Variants in COL25A1 observed in about 807,000 individuals in gnomAD.
COL25A1 encodes the protein collagen alpha-1(XXV) chain.
In COL25A1, 103 loss-of-function variants were observed where a neutral mutation model predicts 128.4. The ratio of observed to expected loss-of-function variants is 0.80; its 90% CI spans 0.68 to 0.94. The LOEUF (loss-of-function observed/expected upper bound fraction) is 0.94, where lower values mean the gene tolerates loss of function less well. Among genes scored for constraint, COL25A1 ranks in the 40% least tolerant of loss-of-function variants. COL25A1 has a pLI of 0.00. For missense variants in COL25A1, 745 were observed against 840.0 expected (o/e 0.89, Z 1.40); for synonymous variants, 279 against 277.2 (o/e 1.01, Z -0.06).
chr4:109,023,385 G>T (rs1757943924), intron 5 of COL25A1, among the ~76,000 whole-genome samples: 1 of 152,234 alleles, frequency 6.6e-6, no homozygotes, highest in Non-Finnish European at 1.5e-5. Context: ...TTGGAAGAAA[G>T]TTTTGAAGAC....
At chr4:108,996,536 C>T (rs1754792029) in intron 6 of COL25A1, among the ~76,000 whole-genome samples, 1 of 152,076 alleles carries the variant, frequency 6.6e-6, no homozygotes, top group South Asian at 2.1e-4. Context: ...GATTTTAACA[C>T]CCCACTGTCA....
intron 3 of COL25A1, among the ~76,000 whole-genome samples, chr4:109,296,697 C>T (rs988557837): frequency 6.6e-6 from 1 of 152,006 alleles, no homozygotes; most frequent in Admixed American, 6.6e-5. Flanking sequence ...AATGACAAAG[C>T]CAGGATTAGA....
intron 11 of COL25A1, among the ~76,000 whole-genome samples, chr4:108,926,195 T>A (rs1746042524): frequency 6.6e-6 from 1 of 152,184 alleles, no homozygotes; most frequent in African/African-American, 2.4e-5. Flanking sequence ...TGCTTTAGGA[T>A]GCCTCTTGGG....
intron 3 of COL25A1, among the ~76,000 whole-genome samples, chr4:109,246,091 C>T (rs1018196990): frequency 1.1e-4 from 16 of 149,572 alleles, no homozygotes; most frequent in African/African-American, 4.0e-4. Context: ...ATAAGGGTAC[C>T]TAAAGTAGGA....
intron 3 of COL25A1, among the ~76,000 whole-genome samples, chr4:109,160,192 T>A (rs1772425016): frequency 6.6e-6 from 1 of 152,214 alleles, no homozygotes; most frequent in African/African-American, 2.4e-5. Context: ...TTATATTCTA[T>A]CATAGAAATT....
chr4:109,108,151 G>C (rs1234702911), intron 3 of COL25A1, among the ~76,000 whole-genome samples: 5 of 152,088 alleles, frequency 3.3e-5, no homozygotes, highest in African/African-American at 4.8e-5. Context: ...TTTAACATTA[G>C]GTATATCTCC....
chr4:108,898,474 GA>G (rs1252567528), intron 15 of COL25A1, among the ~76,000 whole-genome samples: 1 of 152,098 alleles, frequency 6.6e-6, no homozygotes, highest in Non-Finnish European at 1.5e-5. Context: ...AGTAGCATGA[GA>G]ACCAGGAAAA....
At chr4:109,050,092 A>G (rs1760839705) in intron 4 of COL25A1, 43 bp downstream of exon 4, 3 of 1,554,396 alleles carry the variant, frequency 1.9e-6, no homozygotes, top group Non-Finnish European at 2.6e-6. Flanking sequence ...CCGGAACTTA[A>G]CCAGAACATG....
At chr4:108,895,120 T>C (rs767269654) in intron 16 of COL25A1, among the ~76,000 whole-genome samples, 11 of 152,172 alleles carry the variant, frequency 7.2e-5, no homozygotes, top group Non-Finnish European at 1.5e-4. Context: ...ATTTCTAGAC[T>C]CCTCGAATAT....
chr4:109,285,323 A>T (rs1723771722), intron 3 of COL25A1, among the ~76,000 whole-genome samples: 1 of 152,232 alleles, frequency 6.6e-6, no homozygotes, highest in African/African-American at 2.4e-5. Context: ...CCTAACAAAA[A>T]GGTGAAGTTT....
chr4:109,165,661 G>A (rs1177665225), intron 3 of COL25A1, among the ~76,000 whole-genome samples: 1 of 152,130 alleles, frequency 6.6e-6, no homozygotes, highest in African/African-American at 2.4e-5. Context: ...AGGCTGCAGT[G>A]AGCTATGATC....
At chr4:108,842,507 G>A (rs1206874003) in intron 30 of COL25A1, among the ~76,000 whole-genome samples, 2 of 152,070 alleles carry the variant, frequency 1.3e-5, no homozygotes, top group Non-Finnish European at 2.9e-5. Context: ...CAAACTATTT[G>A]GAGAAAGGAG....
intron 11 of COL25A1, among the ~76,000 whole-genome samples, chr4:108,928,206 T>G (rs1578793760): frequency 6.6e-6 from 1 of 152,348 alleles, no homozygotes; most frequent in Non-Finnish European, 1.5e-5. Flanking sequence ...CATTGAGCAG[T>G]GTAAGTGCTT....
In COL25A1 at chr4:108,925,705, C is replaced by G. The variant is rs566280897; in HGVS notation, c.709-5101G>C. On this transcript the variant is annotated intron_variant, in intron 11 of 37. Transcript: ENST00000399132. ...AACTTTAGACAATAGTGTCTCAACA[C>G]AGAAATGGCAGGATTTTTCACCCTT... is the stretch of plus-strand genomic sequence containing the variant. Among the ~76,000 whole-genome samples, 3 of 152,260 alleles carry G rather than the reference C, an allele frequency of 2.0e-5. No individual in the cohort carries two copies. The East Asian group carries it at 5.8e-4, about 29-fold the overall frequency.
At chr4:109,224,935 C>T (rs1032624235) in intron 3 of COL25A1, among the ~76,000 whole-genome samples, 1 of 152,106 alleles carries the variant, frequency 6.6e-6, no homozygotes, top group Non-Finnish European at 1.5e-5. Context: ...AGTGAAACTC[C>T]ATCTCAAAAT....
Position 108,844,535 on chromosome 4 carries a change from C to A in COL25A1, c.1613G>T (p.Gly538Val). The change falls in exon 30 of 38, where the codon GGC (glycine) becomes GTC (valine). Residue 538 changes from glycine (G) to valine (V), a missense_variant. Transcript: ENST00000399132. ...GAAACTTACCATGGGGCCAGGTGGG[C>A]CATGGGGACCTGGTGGGCCTGGTGG... is the stretch of plus-strand genomic sequence containing the variant. ...IGPPGPPGPH[G>V]PPGPMGPHGL... 1 of 1,613,822 alleles carries A rather than the reference C, an allele frequency of 6.2e-7. No individual in the cohort carries two copies. Among genetic ancestry groups the A allele is most frequent in the Middle Eastern group, 1.7e-4 (1 of 6,056 alleles).
At chr4:109,269,097 A>C (rs1210688550) in intron 3 of COL25A1, among the ~76,000 whole-genome samples, 2 of 93,368 alleles carry the variant, frequency 2.1e-5, no homozygotes, top group South Asian at 3.5e-4. Flanking sequence ...CCCACCCCAC[A>C]ACAGTCCCCA....
At chr4:109,167,709 C>T (rs920348032) in intron 3 of COL25A1, among the ~76,000 whole-genome samples, 1 of 152,052 alleles carries the variant, frequency 6.6e-6, no homozygotes, top group African/African-American at 2.4e-5. Flanking sequence ...CTGTGTTAAG[C>T]TCTGGATAAA....
intron 3 of COL25A1, among the ~76,000 whole-genome samples, chr4:109,084,838 T>C (rs1351852068): frequency 6.6e-6 from 1 of 152,254 alleles, no homozygotes; most frequent in Non-Finnish European, 1.5e-5. Flanking sequence ...TTCTGCAATA[T>C]ACTGTCTAGT....
Sources: allele counts gnomAD v4.1 joint callset (sites outside exome capture counted in the v4.1 genomes callset), GRCh38; gene constraint gnomAD v4.1.1; transcripts MANE v1.5; gene names NCBI Gene and HGNC (gene_info 2026-07-23, HGNC 2026-07-21).